Variants in EPB41L2 observed in about 807,000 individuals in gnomAD.
EPB41L2 encodes the protein erythrocyte membrane protein band 4.1 like 2.
A neutral mutation model predicts 113.0 loss-of-function variants in EPB41L2; 43 were observed. The ratio of observed to expected loss-of-function variants is 0.38; its 90% CI spans 0.30 to 0.49. The LOEUF is 0.49. Among genes scored for constraint, EPB41L2 ranks in the 20% least tolerant of loss-of-function variants. The pLI is 0.95. For synonymous variants in EPB41L2, 442 were observed against 436.7 expected, an observed-to-expected ratio of 1.01 and a Z score of -0.15; for missense variants, 1,147 against 1,223.4, an observed-to-expected ratio of 0.94 and a Z score of 0.93.
chr6:130,876,580 G>T, intron 14 of EPB41L2: 1 of 702,972 alleles, frequency 1.4e-6, no homozygotes, highest in Non-Finnish European at 2.0e-6. Context: ...ATTTTAGTAT[G>T]ACACACAGGA....
chr6:130,904,692 T>C (rs1420329543), intron 5 of EPB41L2, 152 bp from the exon 6 acceptor site: 1 of 364,668 alleles, frequency 2.7e-6, no homozygotes, highest in African/African-American at 2.1e-5. Context: ...TAAAATTGTT[T>C]ATAAAATAAA....
chr6:131,031,307 T>A (rs7774648), intron 1 of EPB41L2, among the ~76,000 whole-genome samples: 66,608 of 151,370 alleles, frequency 0.44, 15,154 homozygotes, highest in African/African-American at 0.57. Flanking sequence ...ATTTTTTTTT[T>A]AAAAAGCCAT....
chr6:130,964,492 CAA>C (rs34008072), intron 1 of EPB41L2, among the ~76,000 whole-genome samples: 2 of 145,038 alleles, frequency 1.4e-5, no homozygotes, highest in Non-Finnish European at 3.0e-5. Flanking sequence ...TCCTCATAAG[CAA>C]AAAAAAAAAA....
chr6:131,000,989 C>T (rs1784232878), intron 1 of EPB41L2, among the ~76,000 whole-genome samples: 1 of 151,166 alleles, frequency 6.6e-6, no homozygotes, highest in Non-Finnish European at 1.5e-5. Context: ...AGTGCAGCTC[C>T]ATTATTACTT....
chr6:131,012,232 A>T (rs998664041), intron 1 of EPB41L2, among the ~76,000 whole-genome samples: 27 of 151,134 alleles, frequency 1.8e-4, no homozygotes, highest in Admixed American at 1.8e-3. Context: ...CCTAGTTACT[A>T]CTGAGTTGTT....
intron 3 of EPB41L2, among the ~76,000 whole-genome samples, chr6:130,938,091 A>C (rs145680678): frequency 2.2e-4 from 33 of 152,330 alleles, no homozygotes; most frequent in Admixed American, 1.6e-3. Context: ...CGCTTACTTT[A>C]TTATGGTTGT....
chr6:130,886,999 T>C (rs1479590328), intron 11 of EPB41L2, among the ~76,000 whole-genome samples: 5 of 152,164 alleles, frequency 3.3e-5, no homozygotes, highest in Non-Finnish European at 7.3e-5. Context: ...GGAAAGTATA[T>C]GGCTATGATT....
chr6:131,048,636 G>A (rs1208999537), intron 1 of EPB41L2, among the ~76,000 whole-genome samples: 6 of 152,158 alleles, frequency 3.9e-5, no homozygotes, highest in Non-Finnish European at 8.8e-5. Flanking sequence ...GTGGGTCAGG[G>A]AGTCAAAGGG....
At chr6:130,904,616 G>A in intron 5 of EPB41L2, 76 bp from the exon 6 acceptor site, 1 of 947,506 alleles carries the variant, frequency 1.1e-6, no homozygotes, top group Non-Finnish European at 1.6e-6. Flanking sequence ...TAAAGGTCAA[G>A]GATCAAACAG....
At chr6:130,910,559 G>A (rs1254822490) in intron 4 of EPB41L2, among the ~76,000 whole-genome samples, 1 of 152,190 alleles carries the variant, frequency 6.6e-6, no homozygotes, top group Non-Finnish European at 1.5e-5. Context: ...CTTCTGCACA[G>A]CAAAAGAAAC....
At chr6:130,876,726 T>A in intron 14 of EPB41L2, 1 of 1,304,284 alleles carries the variant, frequency 7.7e-7, no homozygotes, top group Non-Finnish European at 1.0e-6. Flanking sequence ...CGGCATCAGG[T>A]ACTTCTCCTT....
chr6:130,952,068 T>C (rs1306200443), intron 3 of EPB41L2, among the ~76,000 whole-genome samples: 2 of 152,194 alleles, frequency 1.3e-5, no homozygotes, highest in East Asian at 1.9e-4. Context: ...CTGACAGTGA[T>C]CAAACAAATG....
chr6:130,880,168 G>A lies in EPB41L2; in HGVS notation c.1872C>T (p.Val624=), dbSNP rs756261929. The A allele has an allele frequency of 1.2e-6, 2 of 1,609,630 alleles. No homozygotes were observed. The highest frequency in any genetic ancestry group is 2.2e-5 in the East Asian group (1 of 44,856). The change falls in exon 13 of 20, where the codon GTC becomes GTT. Residue 624 remains valine (V), a synonymous_variant. Transcript: ENST00000337057. The stretch of plus-strand genomic sequence containing the variant: ...CCTCCAACATTAAATTGCTATGTCT[G>A]ACATAAATATTATCCCCTTCTACTC... The part of the protein sequence containing the change: ...SLRVEGDNIY[V]RHSNLMLEEL...
chr6:130,872,950 A>G (rs1019747476), intron 14 of EPB41L2, among the ~76,000 whole-genome samples: 1 of 152,154 alleles, frequency 6.6e-6, no homozygotes, highest in Non-Finnish European at 1.5e-5. Context: ...CCTGCCTCCA[A>G]GGCCCTTCTT....
At chr6:130,912,395 A>G (rs1799694262) in intron 4 of EPB41L2, among the ~76,000 whole-genome samples, 1 of 152,260 alleles carries the variant, frequency 6.6e-6, no homozygotes, top group African/African-American at 2.4e-5. Flanking sequence ...TAAAACAGTA[A>G]GATGCTGTGA....
chr6:131,025,937 G>C (rs1357382841), intron 1 of EPB41L2, among the ~76,000 whole-genome samples: 1 of 152,064 alleles, frequency 6.6e-6, no homozygotes, highest in African/African-American at 2.4e-5. Flanking sequence ...TCATCACAAA[G>C]TGGATCAAAG....
chr6:130,864,099 A>G (rs1782968575), intron 17 of EPB41L2, among the ~76,000 whole-genome samples: 1 of 152,224 alleles, frequency 6.6e-6, no homozygotes, highest in Non-Finnish European at 1.5e-5. Flanking sequence ...CTAGCTGGCC[A>G]ATTTTTAAAA....
intron 1 of EPB41L2, among the ~76,000 whole-genome samples, chr6:131,061,320 C>G (rs1045507791): frequency 6.6e-6 from 1 of 152,198 alleles, no homozygotes; most frequent in Admixed American, 6.5e-5. Context: ...TAAATCCACA[C>G]CATTGTTCCA....
chr6:130,964,334 C>A (rs1315085146), intron 1 of EPB41L2, among the ~76,000 whole-genome samples: 1 of 152,128 alleles, frequency 6.6e-6, no homozygotes, highest in Admixed American at 6.5e-5. Context: ...AAGCTATATT[C>A]TTTCTGTGAG....
Sources: gnomAD v4.1 joint callset for allele counts (sites outside exome capture counted in the v4.1 genomes callset) on GRCh38, gnomAD v4.1.1 for gene constraint, MANE v1.5 for transcripts, NCBI Gene and HGNC (gene_info 2026-07-23, HGNC 2026-07-21) for gene names.